CCSER2: variants seen among roughly 807,000 people sequenced by gnomAD.
CCSER2 encodes serine-rich coiled-coil domain-containing protein 2.
In CCSER2, 46 loss-of-function variants were observed where a neutral mutation model predicts 92.3. The observed-to-expected ratio is 0.50, with a 90% CI of 0.39 to 0.64. The LOEUF (loss-of-function observed/expected upper bound fraction) is 0.64, where lower values mean the gene tolerates loss of function less well. CCSER2 is among the 30% of genes least tolerant of loss of function. The probability of loss-of-function intolerance (pLI) is 0.00; values close to 1 mark genes in which losing one functional copy is unlikely to be tolerated. For missense variants in CCSER2, 1,244 were observed against 1,238.9 expected (o/e 1.00, Z -0.06); for synonymous variants, 433 against 431.4 (o/e 1.00, Z -0.04).
Position 84,513,536 on chromosome 10 carries a change from C to G in CCSER2, c.2413C>G (p.Arg805Gly), listed in dbSNP as rs374878521. ...KLIKPQRIEA[R>G]SECSIQDMHQ... ...AATAAAGCCACAACGTATCGAGGCCCGCAGTGAATGCTCAATCCAAGACAT... is the reference window on the plus strand; with the variant it reads ...AATAAAGCCACAACGTATCGAGGCCGGCAGTGAATGCTCAATCCAAGACAT... The change falls in exon 10 of 10, where the codon CGC (arginine) becomes GGC (glycine). Residue 805 changes from arginine to glycine, a missense_variant. Transcript: ENST00000372088. The G allele has an allele frequency of 1.2e-6, 2 of 1,613,936 alleles. No homozygotes were observed. Among genetic ancestry groups the G allele is most frequent in the African/African-American group, 1.3e-5 (1 of 74,864 alleles).
intron 3 of CCSER2, among the ~76,000 whole-genome samples, chr10:84,398,601 T>C (rs1841962387): frequency 6.6e-6 from 1 of 152,178 alleles, no homozygotes; most frequent in African/African-American, 2.4e-5. Flanking sequence ...ATTTTGAATT[T>C]ATTCCTGTTT....
intron 9 of CCSER2, among the ~76,000 whole-genome samples, chr10:84,487,687 C>T (rs1013037647): frequency 6.6e-6 from 1 of 152,178 alleles, no homozygotes; most frequent in Non-Finnish European, 1.5e-5. Context: ...CATCTGCAAA[C>T]AGGGACAATT....
At chr10:84,377,897 G>T (rs1474320222) in intron 3 of CCSER2, among the ~76,000 whole-genome samples, 1 of 152,070 alleles carries the variant, frequency 6.6e-6, no homozygotes, top group African/African-American at 2.4e-5. Context: ...AAATATACCT[G>T]ATTTTTATCA....
At chr10:84,348,422 G>C (rs1209116012) in intron 1 of CCSER2, among the ~76,000 whole-genome samples, 2 of 152,068 alleles carry the variant, frequency 1.3e-5, no homozygotes, top group Admixed American at 1.3e-4. Flanking sequence ...GCTTCGGCTC[G>C]GCATCAGAGG....
chr10:84,437,456 A>G (rs1268266671), intron 5 of CCSER2, among the ~76,000 whole-genome samples: 4 of 151,890 alleles, frequency 2.6e-5, no homozygotes, highest in African/African-American at 7.3e-5. Flanking sequence ...AGAGGTTACA[A>G]TGAGCCAAGA....
chr10:84,393,584 C>T (rs1841653122), intron 3 of CCSER2, among the ~76,000 whole-genome samples: 1 of 152,122 alleles, frequency 6.6e-6, no homozygotes, highest in Admixed American at 6.5e-5. Flanking sequence ...TAGATGTATG[C>T]ACATAGGTTG....
intron 1 of CCSER2, among the ~76,000 whole-genome samples, chr10:84,349,870 T>C (rs1844764965): frequency 6.6e-6 from 1 of 152,120 alleles, no homozygotes; most frequent in Non-Finnish European, 1.5e-5. Context: ...GTAAATCAGA[T>C]CGGCCAGGTG....
chr10:84,382,862 A>G (rs1332493420), intron 3 of CCSER2, among the ~76,000 whole-genome samples: 3 of 152,230 alleles, frequency 2.0e-5, no homozygotes, highest in African/African-American at 2.4e-5. Flanking sequence ...GGTAGATCCA[A>G]AAACTTACTT....
chr10:84,362,837 TA>T (rs1845574826), intron 1 of CCSER2, among the ~76,000 whole-genome samples: 1 of 151,404 alleles, frequency 6.6e-6, no homozygotes, highest in Non-Finnish European at 1.5e-5. Flanking sequence ...TATTTTAATT[TA>T]TTTTATTTTA....
At chr10:84,482,933 AACTC>A (rs1445134695) in intron 9 of CCSER2, among the ~76,000 whole-genome samples, 3 of 152,204 alleles carry the variant, frequency 2.0e-5, no homozygotes, top group African/African-American at 7.2e-5. Flanking sequence ...TTTAAGAACT[AACTC>A]TGTTATATAT....
chr10:84,396,251 TTATAGA>T (rs549190072), intron 3 of CCSER2, among the ~76,000 whole-genome samples: 264 of 150,254 alleles, frequency 1.8e-3, no homozygotes, highest in African/African-American at 5.1e-3. Context: ...TCATACATAG[TTATAGA>T]TATAGTATAT....
intron 5 of CCSER2, among the ~76,000 whole-genome samples, chr10:84,433,326 A>G (rs1394627505): frequency 1.3e-5 from 2 of 152,208 alleles, no homozygotes; most frequent in African/African-American, 4.8e-5. Context: ...AACTTTTAGT[A>G]TAAAGTTTTT....
At chr10:84,399,482 G>A (rs1842005792) in intron 3 of CCSER2, among the ~76,000 whole-genome samples, 1 of 152,168 alleles carries the variant, frequency 6.6e-6, no homozygotes, top group East Asian at 1.9e-4. Context: ...AAGAGTCGGA[G>A]ATAGGAACAC....
In CCSER2 at chr10:84,371,826, G is replaced by A. The variant is rs759771564; in HGVS notation, c.774G>A (p.Gln258=). ...VDLTKPYQNQ[Q]LSIRVPLRSS... is the part of the protein sequence containing the mutation. The stretch of plus-strand genomic sequence containing the variant: ...TTACAAAGCCTTATCAGAACCAACA[G>A]CTATCCATTAGAGTGCCTCTACGGT... The change falls in exon 2 of 10, where the codon CAG becomes CAA. Residue 258 remains glutamine (Q), a synonymous_variant. Transcript: ENST00000372088. The A allele has an allele frequency of 6.2e-7, 1 of 1,613,934 alleles. No individual in the cohort carries two copies. The highest frequency in any genetic ancestry group is 8.5e-7 in the Non-Finnish European group (1 of 1,179,910).
chr10:84,462,507 G>A (rs1260435445), intron 6 of CCSER2, among the ~76,000 whole-genome samples: 1 of 152,098 alleles, frequency 6.6e-6, no homozygotes, highest in Admixed American at 6.6e-5. Flanking sequence ...CAGTAATAAC[G>A]GAGATGAACT....
intron 6 of CCSER2, among the ~76,000 whole-genome samples, chr10:84,462,607 G>C (rs1240514128): frequency 6.6e-6 from 1 of 152,072 alleles, no homozygotes; most frequent in Non-Finnish European, 1.5e-5. Context: ...CTATTCATTA[G>C]AATGTTGCCT....
At chr10:84,370,047 A>G in intron 1 of CCSER2, among the ~76,000 whole-genome samples, 1 of 152,034 alleles carries the variant, frequency 6.6e-6, no homozygotes. Context: ...TTGTTACTAT[A>G]GTAGCCTTGT....
intron 9 of CCSER2, among the ~76,000 whole-genome samples, chr10:84,498,272 AC>A (rs1358589948): frequency 6.6e-6 from 1 of 152,244 alleles, no homozygotes; most frequent in African/African-American, 2.4e-5. Context: ...CATTTCACAA[AC>A]AGCATAACAG....
intron 6 of CCSER2, among the ~76,000 whole-genome samples, chr10:84,448,798 T>G (rs1845085715): frequency 6.6e-6 from 1 of 152,236 alleles, no homozygotes; most frequent in Non-Finnish European, 1.5e-5. Context: ...GTTTTATCTT[T>G]CTTAGAATTT....
Sources: allele counts gnomAD v4.1 joint callset (sites outside exome capture counted in the v4.1 genomes callset), GRCh38; gene constraint gnomAD v4.1.1; transcripts MANE v1.5; gene names NCBI Gene and HGNC (gene_info 2026-07-23, HGNC 2026-07-21).